PTPRN2: variants seen among roughly 807,000 people sequenced by gnomAD.
The protein encoded by PTPRN2 is receptor-type tyrosine-protein phosphatase N2.
PTPRN2 carries 74 observed loss-of-function variants against 118.8 expected under a neutral mutation model. That is an observed-to-expected ratio of 0.62 (90% CI 0.52 to 0.76). PTPRN2 has a LOEUF of 0.76. Ranked by LOEUF, PTPRN2 falls within the 30% of genes least tolerant of loss-of-function variation. The pLI is 0.00. For synonymous variants in PTPRN2, 641 were observed against 608.0 expected (o/e 1.05, Z -0.80); for missense variants, 1,481 against 1,394.4 (o/e 1.06, Z -0.99).
chr7:157,922,292 G>A (rs1798732215), intron 11 of PTPRN2, among the ~76,000 whole-genome samples: 2 of 152,168 alleles, frequency 1.3e-5, no homozygotes, highest in Non-Finnish European at 2.9e-5. Context: ...CGGGGCCAAG[G>A]AGTGGTGACT....
At chr7:158,531,550 C>T (rs1446969612) in intron 1 of PTPRN2, among the ~76,000 whole-genome samples, 1 of 152,242 alleles carries the variant, frequency 6.6e-6, no homozygotes, top group African/African-American at 2.4e-5. Context: ...GGCCTCCTCA[C>T]GAGGCAGACG....
chr7:157,677,814 C>T (rs965037653), intron 13 of PTPRN2, among the ~76,000 whole-genome samples: 4 of 152,218 alleles, frequency 2.6e-5, no homozygotes, highest in African/African-American at 9.7e-5. Context: ...TGGGATTTGG[C>T]ACCAGCGTGA....
At chr7:158,077,317 G>A (rs564676656) in intron 11 of PTPRN2, among the ~76,000 whole-genome samples, 1 of 152,304 alleles carries the variant, frequency 6.6e-6, no homozygotes, top group South Asian at 2.1e-4. Context: ...CAAAGATGCC[G>A]AACAGGCAGA....
At chr7:158,339,483 C>A (rs1806255247) in intron 2 of PTPRN2, among the ~76,000 whole-genome samples, 1 of 10,242 alleles carries the variant, frequency 9.8e-5, no homozygotes, top group East Asian at 1.0e-3. Context: ...GAGCTGAGGC[C>A]CACAGAGGAC....
At chr7:157,955,287 T>C (rs893010661) in intron 11 of PTPRN2, among the ~76,000 whole-genome samples, 9 of 152,072 alleles carry the variant, frequency 5.9e-5, no homozygotes, top group Admixed American at 3.9e-4. Flanking sequence ...GGTAATTTGG[T>C]GGAGAAAAGC....
chr7:158,508,168 T>C (rs1822906638), intron 1 of PTPRN2, among the ~76,000 whole-genome samples: 1 of 145,930 alleles, frequency 6.9e-6, no homozygotes, highest in Non-Finnish European at 1.5e-5. Context: ...AGAAGGCAGG[T>C]GGGCAGGCGG....
chr7:157,752,606 C>A (rs909592097), intron 12 of PTPRN2, among the ~76,000 whole-genome samples: 1 of 152,226 alleles, frequency 6.6e-6, no homozygotes, highest in Admixed American at 6.5e-5. Flanking sequence ...CAAATCTGAT[C>A]CTCTCCCCAG....
At chr7:157,595,697 A>G (rs1801295823) in intron 16 of PTPRN2, among the ~76,000 whole-genome samples, 1 of 152,116 alleles carries the variant, frequency 6.6e-6, no homozygotes, top group South Asian at 2.1e-4. Flanking sequence ...GGAGGTTAGG[A>G]AGCCAGGAAG....
chr7:158,417,945 G>T (rs1814859512), intron 2 of PTPRN2, among the ~76,000 whole-genome samples: 1 of 149,744 alleles, frequency 6.7e-6, no homozygotes, highest in Non-Finnish European at 1.5e-5. Flanking sequence ...TTAAGTCATG[G>T]TGTACTACAT....
chr7:157,782,489 C>G (rs1563103438), intron 12 of PTPRN2, among the ~76,000 whole-genome samples: 1 of 152,190 alleles, frequency 6.6e-6, no homozygotes. Flanking sequence ...TACTGATCAT[C>G]CAGGCATGGG....
Position 158,332,027 on chromosome 7 carries a change from T to G in PTPRN2, c.164-15095A>C, listed in dbSNP as rs1401102422. 2.1e-4 allele frequency among the ~76,000 whole-genome samples: 32 copies of G among 151,006 alleles called. 3 individuals carry two copies. The highest frequency in any genetic ancestry group is 7.9e-4 in the African/African-American group (32 of 40,370). On this transcript the variant is annotated intron_variant, in intron 2 of 22. Coordinates refer to ENST00000389418, the MANE Select transcript of PTPRN2 (RefSeq NM_002847.5). ...AAGAGCTGACAACCGCAAACGTCAC[T>G]GACACCCACACTCTAACGATAAGAG...
chr7:158,283,491 G>C (rs892063513), intron 3 of PTPRN2, among the ~76,000 whole-genome samples: 1 of 152,290 alleles, frequency 6.6e-6, no homozygotes, highest in African/African-American at 2.4e-5. Context: ...CGCAGGGACG[G>C]GAGCTCTGAC....
Position 158,071,551 on chromosome 7 carries a change from T to A in PTPRN2, c.1723+9747A>T, listed in dbSNP as rs866596997. Reference sequence around the variant, plus strand: ...ATGCTCGTGATGATGGAGGTGCTCCTGGTGGTGGAGGTGCTCCTGGTGGAG... The same window carrying A: ...ATGCTCGTGATGATGGAGGTGCTCCAGGTGGTGGAGGTGCTCCTGGTGGAG... On this transcript the variant is annotated intron_variant, in intron 11 of 22. Transcript: ENST00000389418. Among the ~76,000 whole-genome samples, 23 of 115,806 alleles carry A rather than the reference T, an allele frequency of 2.0e-4. 1 individual carries two copies. Among genetic ancestry groups the A allele is most frequent in the African/African-American group, 7.5e-4 (21 of 28,182 alleles). 76.0% of individuals were successfully genotyped at this position (115,806 alleles called of 152,430 possible). A position where few individuals can be genotyped will look rare whatever the true frequency, so the allele number is the denominator to read the frequency against.
intron 9 of PTPRN2, among the ~76,000 whole-genome samples, chr7:158,131,311 T>A (rs1192607253): frequency 7.2e-6 from 1 of 138,214 alleles, no homozygotes; most frequent in East Asian, 2.2e-4. Flanking sequence ...AAAATACACA[T>A]CTACCCCACA....
chr7:158,213,468 T>G (rs1046856786), intron 3 of PTPRN2, among the ~76,000 whole-genome samples: 56 of 152,204 alleles, frequency 3.7e-4, no homozygotes, highest in African/African-American at 1.3e-3. Flanking sequence ...GATAGGAAAA[T>G]TCACCATTAG....
chr7:157,810,969 T>C (rs1805992360), intron 12 of PTPRN2, among the ~76,000 whole-genome samples: 1 of 152,064 alleles, frequency 6.6e-6, no homozygotes, highest in Non-Finnish European at 1.5e-5. Context: ...TCTGTTATCT[T>C]AAAAACTCGT....
At chr7:158,252,599 G>A (rs563074422) in intron 3 of PTPRN2, among the ~76,000 whole-genome samples, 1 of 152,260 alleles carries the variant, frequency 6.6e-6, no homozygotes, top group East Asian at 1.9e-4. Flanking sequence ...GACAGGGTAG[G>A]AAGGCCCCAC....
intron 6 of PTPRN2, among the ~76,000 whole-genome samples, chr7:158,146,023 C>A (rs1327363123): frequency 6.6e-6 from 1 of 151,938 alleles, no homozygotes; most frequent in East Asian, 1.9e-4. Context: ...TATCATGAAA[C>A]AAGGAGAGGA....
At chr7:158,219,920 A>G (rs572787072) in intron 3 of PTPRN2, among the ~76,000 whole-genome samples, 1 of 152,102 alleles carries the variant, frequency 6.6e-6, no homozygotes, top group African/African-American at 2.4e-5. Flanking sequence ...GGAACCAGAC[A>G]AATTCACAGC....
Sources: gnomAD v4.1 joint callset for allele counts (sites outside exome capture counted in the v4.1 genomes callset) on GRCh38, gnomAD v4.1.1 for gene constraint, MANE v1.5 for transcripts, NCBI Gene and HGNC (gene_info 2026-07-23, HGNC 2026-07-21) for gene names.